Variants in OR6C74 observed in about 807,000 individuals in gnomAD.
OR6C74 encodes olfactory receptor family 6 subfamily C member 74.
For synonymous variants in OR6C74, 142 were observed against 134.2 expected (o/e 1.06, Z -0.40); for missense variants, 361 against 362.9 (o/e 0.99, Z 0.04).
chr12:55,249,949 C>G lies in OR6C74; in HGVS notation c.*1723C>G, dbSNP rs1373435731. 6.6e-6 allele frequency among the ~76,000 whole-genome samples: 1 copy of G among 152,110 alleles called. No homozygotes were observed. The highest frequency in any genetic ancestry group is 1.9e-4 in the East Asian group (1 of 5,180). On this transcript the variant is annotated 3_prime_UTR_variant, in exon 2 of 2. Coordinates refer to ENST00000343399, the MANE Select transcript of OR6C74 (RefSeq NM_001005490.2). ...GGCCCCGGTGTGTGATGTTCGCCTT[C>G]CTGTGTCCAGGTGTTCTTATTGTTC...
At chr12:55,246,240 A>C (rs12578969) in intron 1 of OR6C74, among the ~76,000 whole-genome samples, 2,498 of 152,312 alleles carry the variant, frequency 0.016, 65 homozygotes, top group African/African-American at 0.05. Flanking sequence ...ACTAGAAAAG[A>C]GAGAGAGGAT....
Position 55,251,718 on chromosome 12 carries a change from C to T in OR6C74, c.*3492C>T, listed in dbSNP as rs1954312448. ...GAAGAGATAATTCAATTGTATGATA[C>T]AATAAAGTCCCATTGTATCATACAT... On this transcript the variant is annotated 3_prime_UTR_variant, in exon 2 of 2. Transcript: ENST00000343399. Among the ~76,000 whole-genome samples the T allele has an allele frequency of 6.6e-6, 1 of 151,618 alleles. No individual in the cohort carries two copies. The highest frequency in any genetic ancestry group is 2.4e-5 in the African/African-American group (1 of 41,334).
Position 55,252,241 on chromosome 12 carries a change from C to T in OR6C74, c.*4015C>T, listed in dbSNP as rs1954315884. Among the ~76,000 whole-genome samples, 1 of 151,612 alleles carries T rather than the reference C, an allele frequency of 6.6e-6. No homozygotes were observed. The highest frequency in any genetic ancestry group is 2.4e-5 in the African/African-American group (1 of 41,354). Reference sequence around the variant, plus strand: ...GCATACTTTATTATACTTGCAAATACTTATGTAATTATTGTGTGAAATGAA... The same window carrying T: ...GCATACTTTATTATACTTGCAAATATTTATGTAATTATTGTGTGAAATGAA... On this transcript the variant is annotated 3_prime_UTR_variant, in exon 2 of 2. Transcript: ENST00000343399.
Position 55,255,866 on chromosome 12 carries a change from G to C in OR6C74, c.*7640G>C, listed in dbSNP as rs368987520. Among the ~76,000 whole-genome samples the C allele has an allele frequency of 7.2e-5, 11 of 152,070 alleles. No individual in the cohort carries two copies. The highest frequency in any genetic ancestry group is 9.7e-5 in the African/African-American group (4 of 41,416). ...TGGTAGAGATAAATTTATAGAGAAA[G>C]TAACATATCAGTGGTTGCCAGGACT... On this transcript the variant is annotated 3_prime_UTR_variant, in exon 2 of 2. Transcript: ENST00000343399.
rs754755293 is a variant in OR6C74 at position 55,247,374 on chromosome 12, T to A, written c.87T>A (p.Leu29=). Residue 29 remains leucine, a synonymous_variant, in exon 2 of 2, where the codon CTT becomes CTA. Transcript: ENST00000343399. ...PQLQVIIFLL[L]FFTYMLSITG... is the part of the protein sequence containing the mutation. ...TACAGGTGATTATTTTTCTTCTCCT[T>A]TTTTTCACCTACATGTTGAGCATCA... 1 of 1,612,524 alleles carries A rather than the reference T, an allele frequency of 6.2e-7. No individual in the cohort carries two copies. The highest frequency in any genetic ancestry group is 1.7e-5 in the Admixed American group (1 of 60,012).
At position 55,256,008 on chromosome 12, in the gene OR6C74, T is replaced by C. The variant is rs147293572; in HGVS notation, c.*7782T>C. On this transcript the variant is annotated 3_prime_UTR_variant, in exon 2 of 2. Coordinates refer to ENST00000343399, the MANE Select transcript of OR6C74 (RefSeq NM_001005490.2). ...AATGTAGGGAGACCCCCTGAAACTA[T>C]TGCTATGGAATAAAAGGTGAAATGC... 1.0e-2 allele frequency among the ~76,000 whole-genome samples: 1,516 copies of C among 152,174 alleles called. 29 individuals are homozygous for C. Among genetic ancestry groups the C allele is most frequent in the East Asian group, 0.037 (190 of 5,168 alleles).
In OR6C74 at chr12:55,248,702, AT is replaced by A. The variant is rs60297223; in HGVS notation, c.*479del. 0.052 allele frequency among the ~76,000 whole-genome samples: 7,979 copies of A among 152,236 alleles called. 671 individuals are homozygous for A. The highest frequency in any genetic ancestry group is 0.18 in the African/African-American group (7,565 of 41,490). The stretch of plus-strand genomic sequence containing the variant: ...TCTCGAAGCAAATCAATTTAATGGC[AT>A]TTCTTTAATTACACAGTTTAATAGC... On this transcript the variant is annotated 3_prime_UTR_variant, in exon 2 of 2. Transcript: ENST00000343399.
At position 55,249,038 on chromosome 12, in the gene OR6C74, A is replaced by AC. The variant is rs1954295259; in HGVS notation, c.*814dup. ...AAAAATGATGCCTTCATGTCCACTC[A>AC]CCGCTTACACATTTTTAGCAAAACG... On this transcript the variant is annotated 3_prime_UTR_variant, in exon 2 of 2. Transcript: ENST00000343399. 6.6e-6 allele frequency among the ~76,000 whole-genome samples: 1 copy of AC among 152,162 alleles called. No homozygotes were observed. Among genetic ancestry groups the AC allele is most frequent in the Non-Finnish European group, 1.5e-5 (1 of 68,026 alleles).
rs141506812 is a variant in OR6C74, at chr12:55,247,837, C to A, written c.550C>A (p.Gln184Lys). 224 of 1,614,016 alleles carry A rather than the reference C, an allele frequency of 1.4e-4. No homozygotes were observed. The highest frequency in any genetic ancestry group is 1.8e-4 in the Non-Finnish European group (208 of 1,179,936). The part of the protein sequence containing the change: ...HFFCDVSPIL[Q>K]LSCTDTDIIE... ...CTTCTGTGATGTTTCTCCTATACTG[C>A]AGCTCTCTTGCACAGACACTGACAT... The change falls in exon 2 of 2, where the codon CAG becomes AAG. Residue 184 changes from glutamine to lysine, a missense_variant. Coordinates refer to ENST00000343399, the MANE Select transcript of OR6C74 (RefSeq NM_001005490.2).
At position 55,256,413 on chromosome 12, in the gene OR6C74, T is replaced by C. The variant is rs887079311; in HGVS notation, c.*8187T>C. On this transcript the variant is annotated 3_prime_UTR_variant, in exon 2 of 2. Transcript: ENST00000343399. ...TGTCTAGCTTCACCTCCTGTTTCTATGGATTGTTTGTAACCAGCTTTTGCT... is the reference window on the plus strand; with the variant it reads ...TGTCTAGCTTCACCTCCTGTTTCTACGGATTGTTTGTAACCAGCTTTTGCT... 2.0e-5 allele frequency among the ~76,000 whole-genome samples: 3 copies of C among 152,106 alleles called. No homozygotes were observed. The highest frequency in any genetic ancestry group is 6.6e-5 in the Admixed American group (1 of 15,264).
Position 55,253,550 on chromosome 12 carries a change from C to A in OR6C74, c.*5324C>A, listed in dbSNP as rs1487683154. Among the ~76,000 whole-genome samples, 1 of 152,080 alleles carries A rather than the reference C, an allele frequency of 6.6e-6. No homozygotes were observed. Among genetic ancestry groups the A allele is most frequent in the Admixed American group, 6.6e-5 (1 of 15,256 alleles). ...CAACTTTGCACATGCACTAGGTTCA[C>A]TGTAAAACAGACTAGCACATAATCA... On this transcript the variant is annotated 3_prime_UTR_variant, in exon 2 of 2. Coordinates refer to ENST00000343399, the MANE Select transcript of OR6C74 (RefSeq NM_001005490.2).
At chr12:55,245,277 A>G (rs1954263364) in intron 1 of OR6C74, among the ~76,000 whole-genome samples, 2 of 152,138 alleles carry the variant, frequency 1.3e-5, no homozygotes, top group African/African-American at 4.8e-5. Context: ...TTTGCAACAT[A>G]CAATTGAATC....
Position 55,252,899 on chromosome 12 carries a change from A to T in OR6C74, c.*4673A>T, listed in dbSNP as rs563207103. ...TTTTTAAATTATTACTTAGCATATC[A>T]TCATACATTTCTGATTTGCTTCTCT... On this transcript the variant is annotated 3_prime_UTR_variant, in exon 2 of 2. Transcript: ENST00000343399. Among the ~76,000 whole-genome samples, 15 of 152,052 alleles carry T rather than the reference A, an allele frequency of 9.9e-5. No homozygotes were observed. The highest frequency in any genetic ancestry group is 1.9e-4 in the Non-Finnish European group (13 of 67,948).
Position 55,248,229 on chromosome 12 carries a change from C to A in OR6C74, c.*3C>A. On this transcript the variant is annotated 3_prime_UTR_variant, in exon 2 of 2. Transcript: ENST00000343399. ...TTGAACTTTTCTCAATGAAATGAAT[C>A]ACTTTAACGATATTATTAAGGTTAT... 1 of 1,552,538 alleles carries A rather than the reference C, an allele frequency of 6.4e-7. No homozygotes were observed. Among genetic ancestry groups the A allele is most frequent in the South Asian group, 1.1e-5 (1 of 87,868 alleles).
Position 55,251,395 on chromosome 12 carries a change from C to T in OR6C74, c.*3169C>T, listed in dbSNP as rs545028021. ...AATTAACTATATTTATTTCTTGCAA[C>T]GAACTCTAAATCTCATAGTTTTCTA... On this transcript the variant is annotated 3_prime_UTR_variant, in exon 2 of 2. Transcript: ENST00000343399. 5.3e-5 allele frequency among the ~76,000 whole-genome samples: 8 copies of T among 152,102 alleles called. No homozygotes were observed. Among genetic ancestry groups the T allele is most frequent in the South Asian group, 2.1e-4 (1 of 4,826 alleles).
chr12:55,247,821 T>G lies in OR6C74; in HGVS notation c.534T>G (p.Asp178Glu). The change falls in exon 2 of 2, where the codon GAT becomes GAG. Residue 178 changes from aspartate to glutamate, a missense_variant. Physicochemically the swap from Asp to Glu is conservative, Grantham distance 45. Coordinates refer to ENST00000343399, the MANE Select transcript of OR6C74 (RefSeq NM_001005490.2). ...AANTVDHFFC[D>E]VSPILQLSCT... ...ACACTGTAGATCATTTCTTCTGTGA[T>G]GTTTCTCCTATACTGCAGCTCTCTT... 2 of 1,614,114 alleles carry G rather than the reference T, an allele frequency of 1.2e-6. No individual in the cohort carries two copies. The highest frequency in any genetic ancestry group is 1.1e-5 in the South Asian group (1 of 91,078).
chr12:55,248,188 C>A lies in OR6C74; in HGVS notation c.901C>A (p.His301Asn). Residue 301 changes from histidine (H) to asparagine (N), a missense_variant, in exon 2 of 2, where the codon CAC becomes AAC. His to Asn is a moderately conservative substitution (Grantham distance 68, BLOSUM62 1). Coordinates refer to ENST00000343399, the MANE Select transcript of OR6C74 (RefSeq NM_001005490.2). ...CAAACAAGTAAAAGATGTTTTTAAGCACACAGTCAAAAAGATTGAACTTTT... is the reference window on the plus strand; with the variant it reads ...CAAACAAGTAAAAGATGTTTTTAAGAACACAGTCAAAAAGATTGAACTTTT... The part of the protein sequence containing the change: ...RNKQVKDVFK[H>N]TVKKIELFSM... 1.2e-6 allele frequency: 2 copies of A among 1,611,614 alleles called. No homozygotes were observed. The highest frequency in any genetic ancestry group is 1.7e-6 in the Non-Finnish European group (2 of 1,178,582).
rs763351568 is a variant in OR6C74 at position 55,247,838 on chromosome 12, A to C, written c.551A>C (p.Gln184Pro). ...TTCTGTGATGTTTCTCCTATACTGC[A>C]GCTCTCTTGCACAGACACTGACATA... is the stretch of plus-strand genomic sequence containing the variant. ...HFFCDVSPIL[Q>P]LSCTDTDIIE... Residue 184 changes from glutamine (Q) to proline (P), a missense_variant, in exon 2 of 2, where the codon CAG becomes CCG. Physicochemically the swap from Gln to Pro is moderately conservative, Grantham distance 76. Coordinates refer to ENST00000343399, the MANE Select transcript of OR6C74 (RefSeq NM_001005490.2). 1.2e-6 allele frequency: 2 copies of C among 1,614,038 alleles called. No homozygotes were observed. Among genetic ancestry groups the C allele is most frequent in the Admixed American group, 1.7e-5 (1 of 59,994 alleles).
In OR6C74 at chr12:55,250,853, T is replaced by G. The variant is rs1954307612; in HGVS notation, c.*2627T>G. Among the ~76,000 whole-genome samples the G allele has an allele frequency of 6.6e-6, 1 of 152,052 alleles. No individual in the cohort carries two copies. Among genetic ancestry groups the G allele is most frequent in the South Asian group, 2.1e-4 (1 of 4,830 alleles). Reference sequence around the variant, plus strand: ...ACTAAAAGTAATGGTGAAATCACAATTCCTTTTGTACCAACCTAATATATA... The same window carrying G: ...ACTAAAAGTAATGGTGAAATCACAAGTCCTTTTGTACCAACCTAATATATA... On this transcript the variant is annotated 3_prime_UTR_variant, in exon 2 of 2. Transcript: ENST00000343399.
Sources: gnomAD v4.1 joint callset for allele counts (sites outside exome capture counted in the v4.1 genomes callset) on GRCh38, gnomAD v4.1.1 for gene constraint, MANE v1.5 for transcripts, NCBI Gene and HGNC (gene_info 2026-07-23, HGNC 2026-07-21) for gene names.